The following CTCFL variants were observed in gnomAD, a reference collection of about 807,000 sequenced individuals.
The protein encoded by CTCFL is transcriptional repressor CTCFL.
CTCFL carries 36 observed loss-of-function variants against 67.4 expected under a neutral mutation model. The observed-to-expected ratio is 0.53, with a 90% CI of 0.41 to 0.71. The LOEUF (loss-of-function observed/expected upper bound fraction) is 0.71, where lower values mean the gene tolerates loss of function less well. Among genes scored for constraint, CTCFL ranks in the 30% least tolerant of loss-of-function variants. The probability of loss-of-function intolerance (pLI) is 0.00; values close to 1 mark genes in which losing one functional copy is unlikely to be tolerated. For synonymous variants in CTCFL, 324 were observed against 302.3 expected (o/e 1.07, Z -0.75); for missense variants, 786 against 835.2 (o/e 0.94, Z 0.73).
intron 10 of CTCFL, 48 bp downstream of exon 10, chr20:57,503,388 C>T (rs1175531191): frequency 6.8e-6 from 11 of 1,608,608 alleles, no homozygotes; most frequent in South Asian, 1.1e-5. Flanking sequence ...ATAGTCACAA[C>T]CAGAAAATCA....
In CTCFL at chr20:57,514,642, T is replaced by C. The variant is rs768388683; in HGVS notation, c.1280A>G (p.Lys427Arg). ...GGTGGCACAATGGGGACACTGGTATTTGGGGACATTTTCGCCGTGTTTCTG... is the reference window on the plus strand; with the variant it reads ...GGTGGCACAATGGGGACACTGGTATCTGGGGACATTTTCGCCGTGTTTCTG... ...ILQKHGENVP[K>R]YQCPHCATII... The change falls in exon 7 of 11, where the codon AAA (lysine) becomes AGA (arginine). Residue 427 changes from lysine to arginine, a missense_variant. Lys to Arg is a conservative substitution (Grantham distance 26, BLOSUM62 2). Transcript: ENST00000243914. 6.2e-7 allele frequency: 1 copy of C among 1,614,168 alleles called. No individual in the cohort carries two copies. The highest frequency in any genetic ancestry group is 8.5e-7 in the Non-Finnish European group (1 of 1,180,030).
At chr20:57,510,279 T>C (rs1207508358) in intron 8 of CTCFL, among the ~76,000 whole-genome samples, 1 of 152,220 alleles carries the variant, frequency 6.6e-6, no homozygotes, top group South Asian at 2.1e-4. Flanking sequence ...ACAGGTGGCA[T>C]GTATTAGTAT....
chr20:57,514,579 C>T lies in CTCFL; in HGVS notation c.1330+13G>A. ...AAATGCTGTAGTAAAAGAAAGATCG[C>T]TAAACCACTCACGTAGGTCGCTTTT... On this transcript the variant is annotated intron_variant, in intron 7 of 10. Coordinates refer to ENST00000243914, the MANE Select transcript of CTCFL (RefSeq NM_001386993.1). 1 of 1,613,724 alleles carries T rather than the reference C, an allele frequency of 6.2e-7. No individual in the cohort carries two copies. Among genetic ancestry groups the T allele is most frequent in the Non-Finnish European group, 8.5e-7 (1 of 1,179,724 alleles).
In CTCFL at chr20:57,523,956, T is replaced by C; in HGVS notation, c.250A>G (p.Thr84Ala). Reference sequence around the variant, plus strand: ...ACAGCTTCAGAAGTGAAGTGCACCGTCTGCAGGGTCAGGATGTACTTCTCG... The same window carrying C: ...ACAGCTTCAGAAGTGAAGTGCACCGCCTGCAGGGTCAGGATGTACTTCTCG... ...ESEKYILTLQ[T>A]VHFTSEAVEL... Residue 84 changes from threonine to alanine, a missense_variant, in exon 2 of 11, where the codon ACG becomes GCG. Physicochemically the swap from Thr to Ala is moderately conservative, Grantham distance 58. Around this residue, in one of 3 missense-constraint regions of CTCFL, gnomAD observed 333 missense variants for 304.6 expected, o/e 1.09. Transcript: ENST00000243914. 1 of 1,613,116 alleles carries C rather than the reference T, an allele frequency of 6.2e-7. No individual in the cohort carries two copies. The highest frequency in any genetic ancestry group is 1.3e-5 in the African/African-American group (1 of 75,046).
intron 9 of CTCFL, among the ~76,000 whole-genome samples, chr20:57,505,246 A>AATTTATTT (rs776660553): frequency 2.6e-5 from 4 of 151,370 alleles, no homozygotes; most frequent in African/African-American, 9.7e-5. Flanking sequence ...GAGAAGACAA[A>AATTTATTT]ATTTATTTAT....
intron 1 of CTCFL, chr20:57,524,446 C>T: frequency 7.4e-7 from 1 of 1,358,200 alleles, no homozygotes; most frequent in Non-Finnish European, 9.5e-7. Context: ...AACCCTAGAA[C>T]GAACAGGTTT....
intron 8 of CTCFL, among the ~76,000 whole-genome samples, chr20:57,509,465 G>A (rs1417381080): frequency 6.6e-6 from 1 of 151,928 alleles, no homozygotes; most frequent in Non-Finnish European, 1.5e-5. Context: ...GTCTCACTAT[G>A]TTGCCCAGGC....
At chr20:57,511,178 A>T (rs999573677) in intron 8 of CTCFL, among the ~76,000 whole-genome samples, 3 of 152,118 alleles carry the variant, frequency 2.0e-5, no homozygotes, top group African/African-American at 7.2e-5. Flanking sequence ...AGTAGCTGGG[A>T]CAGATATGCA....
chr20:57,505,350 G>A lies in CTCFL; in HGVS notation c.1675-1749C>T, dbSNP rs562004771. Among the ~76,000 whole-genome samples the A allele has an allele frequency of 2.0e-5, 3 of 151,738 alleles. No individual in the cohort carries two copies. In the South Asian group the frequency reaches 6.2e-4, roughly 32 times the overall value. On this transcript the variant is annotated intron_variant, in intron 9 of 10. Coordinates refer to ENST00000243914, the MANE Select transcript of CTCFL (RefSeq NM_001386993.1). ...TGCTCACTGCAAGCTCCGCCTCCCG[G>A]GTTCATGCCATTCTCCTGCCTCAGC...
chr20:57,501,164 A>G (rs2067893143), intron 10 of CTCFL, among the ~76,000 whole-genome samples: 1 of 152,194 alleles, frequency 6.6e-6, no homozygotes, highest in East Asian at 1.9e-4. Context: ...TAGTGCCAGG[A>G]GCTGGGGACG....
In CTCFL at chr20:57,514,717, A is replaced by G. The variant is rs768444091; in HGVS notation, c.1205T>C (p.Ile402Thr). Reference protein sequence around the residue: ...HSGEKPYECHICHTRFTQSGT... With the variant: ...HSGEKPYECHTCHTRFTQSGT... ...GCTCTGGGTGAAGCGGGTGTGGCAG[A>G]TGTGGCATTCGTAAGGCTTCTCACC... The change falls in exon 7 of 11, where the codon ATC becomes ACC. Residue 402 changes from isoleucine (I) to threonine (T), a missense_variant. Ile to Thr is a moderately conservative substitution (Grantham distance 89, BLOSUM62 -1). This residue lies in a region of CTCFL where 254 missense variants were observed against 333.9 expected (regional missense o/e 0.76). Transcript: ENST00000243914. 98 of 1,613,962 alleles carry G rather than the reference A, an allele frequency of 6.1e-5. No homozygotes were observed. The highest frequency in any genetic ancestry group is 8.1e-5 in the Non-Finnish European group (96 of 1,180,008).
At chr20:57,498,813 A>G in intron 10 of CTCFL, 112 bp from the exon 11 acceptor site, 1 of 906,666 alleles carries the variant, frequency 1.1e-6, no homozygotes, top group Non-Finnish European at 1.7e-6. Flanking sequence ...CACGGCAGCA[A>G]GCATGTTAGA....
intron 6 of CTCFL, chr20:57,515,481 A>G (rs1384304223): frequency 9.7e-6 from 5 of 515,198 alleles, no homozygotes; most frequent in Non-Finnish European, 1.7e-5. Context: ...AATCTACGGA[A>G]GCAAATACTT....
At position 57,497,472 on chromosome 20, in the gene CTCFL, G is replaced by A; in HGVS notation, c.*1078C>T. On this transcript the variant is annotated 3_prime_UTR_variant, in exon 11 of 11. Transcript: ENST00000243914. ...GGCTTATCAATGATCTTGAAATACA[G>A]GGGTGGAGACAGGTTGGCAGCAAAA... The A allele has an allele frequency of 1.0e-6, 1 of 985,426 alleles. No individual in the cohort carries two copies. The highest frequency in any genetic ancestry group is 1.2e-6 in the Non-Finnish European group (1 of 829,930). 61.0% of individuals were successfully genotyped at this position (985,426 alleles called of 1,614,324 possible).
intron 3 of CTCFL, among the ~76,000 whole-genome samples, chr20:57,522,825 T>C (rs532709685): frequency 1.3e-5 from 2 of 152,366 alleles, no homozygotes; most frequent in African/African-American, 4.8e-5. Context: ...TGGTCTTCTA[T>C]GCTTACGTGC....
In CTCFL at chr20:57,524,089, T is replaced by A; in HGVS notation, c.117A>T (p.Lys39Asn). 1 of 1,613,790 alleles carries A rather than the reference T, an allele frequency of 6.2e-7. No individual in the cohort carries two copies. Among genetic ancestry groups the A allele is most frequent in the Non-Finnish European group, 8.5e-7 (1 of 1,179,996 alleles). The part of the protein sequence containing the change: ...EEEKDGVCRE[K>N]DHRSPSELEA... Reference sequence around the variant, plus strand: ...CCAACTCACTAGGGCTCCGATGGTCTTTCTCTCTGCACACTCCGTCTTTTT... The same window carrying A: ...CCAACTCACTAGGGCTCCGATGGTCATTCTCTCTGCACACTCCGTCTTTTT... Residue 39 changes from lysine to asparagine, a missense_variant, in exon 2 of 11, where the codon AAA becomes AAT. Coordinates refer to ENST00000243914, the MANE Select transcript of CTCFL (RefSeq NM_001386993.1).
In CTCFL at chr20:57,518,738, A is replaced by G. The variant is rs1351773508; in HGVS notation, c.1059+20T>C. The G allele has an allele frequency of 4.3e-6, 7 of 1,614,032 alleles. 1 individual carries two copies. In the South Asian group the frequency reaches 7.7e-5, roughly 18 times the overall value. ...CTCTACTAAGATGCCATGAAGCTTC[A>G]AGTCCAAGAATGGCTTTACCTCCAC... On this transcript the variant is annotated intron_variant, in intron 5 of 10. Coordinates refer to ENST00000243914, the MANE Select transcript of CTCFL (RefSeq NM_001386993.1).
chr20:57,511,961 T>C (rs562898793), intron 8 of CTCFL, among the ~76,000 whole-genome samples: 144 of 152,324 alleles, frequency 9.5e-4, no homozygotes, highest in African/African-American at 3.2e-3. Context: ...TTTGTTTATC[T>C]TGTTCCTTTC....
At chr20:57,512,280 C>T (rs2068614697) in intron 8 of CTCFL, among the ~76,000 whole-genome samples, 1 of 152,142 alleles carries the variant, frequency 6.6e-6, no homozygotes, top group African/African-American at 2.4e-5. Flanking sequence ...GGCTAAGGAC[C>T]ACCACTACTT....
Sources: gnomAD v4.1 joint callset for allele counts (sites outside exome capture counted in the v4.1 genomes callset) on GRCh38, gnomAD v4.1.1 for gene constraint, gnomAD v4.1.1 regional missense constraint, MANE v1.5 for transcripts, NCBI Gene and HGNC (gene_info 2026-07-23, HGNC 2026-07-21) for gene names.